PRELID2: variants seen among roughly 807,000 people sequenced by gnomAD.
PRELID2 encodes the protein PRELI domain containing 2.
PRELID2 carries 25 observed loss-of-function variants against 28.4 expected under a neutral mutation model. The ratio of observed to expected loss-of-function variants is 0.88; its 90% CI spans 0.64 to 1.23. PRELID2 has a LOEUF of 1.23. Ranked by LOEUF, PRELID2 falls within the 50% of genes most tolerant of loss-of-function variation. The pLI, the probability that PRELID2 is intolerant of heterozygous loss-of-function variation, is 0.00. For synonymous variants in PRELID2, 76 were observed against 71.6 expected, an observed-to-expected ratio of 1.06 and a Z score of -0.31; for missense variants, 201 against 214.4, an observed-to-expected ratio of 0.94 and a Z score of 0.39.
intron 1 of PRELID2, among the ~76,000 whole-genome samples, chr5:145,603,567 G>A (rs561476078): frequency 1.3e-5 from 2 of 152,054 alleles, no homozygotes; most frequent in Non-Finnish European, 2.9e-5. Context: ...TACCAAGGGT[G>A]ATCTCGGGCA....
At chr5:145,477,330 C>G (rs1396563618) in intron 1 of PRELID2, among the ~76,000 whole-genome samples, 1 of 152,168 alleles carries the variant, frequency 6.6e-6, no homozygotes, top group Non-Finnish European at 1.5e-5. Context: ...AAGGTCTCTC[C>G]TCATAGAGAC....
At chr5:145,409,660 T>C in the PRELID2 span, among the ~76,000 whole-genome samples, 2 of 148,584 alleles carry the variant, frequency 1.3e-5, no homozygotes, top group Admixed American at 6.7e-5. Context: ...ATGCCTGTAA[T>C]CCCAGCAGTT....
At chr5:145,417,798 T>C in the PRELID2 span, among the ~76,000 whole-genome samples, 7 of 152,182 alleles carry the variant, frequency 4.6e-5, no homozygotes, top group East Asian at 1.9e-4. Context: ...TCATAATGGA[T>C]GGGCAAAAGC....
chr5:145,664,184 C>T (rs1462003686), intron 1 of PRELID2, among the ~76,000 whole-genome samples: 1 of 152,116 alleles, frequency 6.6e-6, no homozygotes, highest in Non-Finnish European at 1.5e-5. Flanking sequence ...TTTTTATATA[C>T]ATTATTGTGT....
the PRELID2 span, among the ~76,000 whole-genome samples, chr5:145,464,159 T>G: frequency 6.6e-6 from 1 of 152,146 alleles, no homozygotes; most frequent in African/African-American, 2.4e-5. Flanking sequence ...CTAAAACACA[T>G]GCTGAATTAA....
At chr5:145,640,475 C>CAAA (rs56917249) in intron 1 of PRELID2, among the ~76,000 whole-genome samples, 3 of 54,640 alleles carry the variant, frequency 5.5e-5, no homozygotes, top group African/African-American at 1.4e-4. Flanking sequence ...GACTCCGTCT[C>CAAA]AAAAAAAAAA....
intron 5 of PRELID2, among the ~76,000 whole-genome samples, chr5:145,789,095 T>A (rs1752198358): frequency 6.6e-6 from 1 of 152,180 alleles, no homozygotes; most frequent in Non-Finnish European, 1.5e-5. Context: ...ACAGATTCAA[T>A]GCAATCTCTA....
intron 1 of PRELID2, among the ~76,000 whole-genome samples, chr5:145,589,748 GT>G (rs1489899255): frequency 6.6e-6 from 1 of 151,950 alleles, no homozygotes; most frequent in Non-Finnish European, 1.5e-5. Context: ...CTGATTTCAT[GT>G]TTAGAAAATT....
intron 1 of PRELID2, among the ~76,000 whole-genome samples, chr5:145,595,026 G>A (rs1268826627): frequency 6.6e-6 from 1 of 151,982 alleles, no homozygotes; most frequent in Non-Finnish European, 1.5e-5. Flanking sequence ...TACTCAGGTG[G>A]CTGAGGCAGG....
chr5:145,424,558 G>T, the PRELID2 span, among the ~76,000 whole-genome samples: 22 of 152,288 alleles, frequency 1.4e-4, no homozygotes, highest in African/African-American at 4.8e-4. Context: ...GACCCCTTGC[G>T]CTTCCCAAGT....
At chr5:145,382,756 C>T in the PRELID2 span, among the ~76,000 whole-genome samples, 2 of 152,064 alleles carry the variant, frequency 1.3e-5, no homozygotes, top group African/African-American at 4.8e-5. Flanking sequence ...AACACATTCC[C>T]TTAGCATTTA....
chr5:145,756,391 T>C lies in PRELID2; in HGVS notation c.*4145A>G, dbSNP rs924111656. 2.6e-5 allele frequency among the ~76,000 whole-genome samples: 4 copies of C among 152,204 alleles called. No homozygotes were observed. The highest frequency in any genetic ancestry group is 5.9e-5 in the Non-Finnish European group (4 of 68,042). On this transcript the variant is annotated 3_prime_UTR_variant, in exon 7 of 7. Transcript: ENST00000683046. Reference sequence around the variant, plus strand: ...AGAATGACTGCAGGAAGGAATTTCATAGGTAAACAACTAATTTATAGCTCT... The same window carrying C: ...AGAATGACTGCAGGAAGGAATTTCACAGGTAAACAACTAATTTATAGCTCT...
At chr5:145,537,673 TTTTTG>T (rs1261377400) in intron 1 of PRELID2, among the ~76,000 whole-genome samples, 2 of 151,868 alleles carry the variant, frequency 1.3e-5, no homozygotes, top group African/African-American at 4.8e-5. Context: ...GGCTATTTGT[TTTTTG>T]TTTTGTTTTG....
the PRELID2 span, among the ~76,000 whole-genome samples, chr5:145,434,067 T>G: frequency 6.6e-6 from 1 of 152,084 alleles, no homozygotes; most frequent in African/African-American, 2.4e-5. Context: ...GTCTTGAGGT[T>G]TTTCCCATGA....
chr5:145,296,852 A>G, the PRELID2 span, among the ~76,000 whole-genome samples: 37 of 152,198 alleles, frequency 2.4e-4, no homozygotes, highest in African/African-American at 8.2e-4. Flanking sequence ...CTCCAGCACC[A>G]GTTGTTTCCT....
At chr5:145,615,548 G>A (rs1036012287) in intron 1 of PRELID2, among the ~76,000 whole-genome samples, 9 of 117,740 alleles carry the variant, frequency 7.6e-5, no homozygotes, top group East Asian at 2.5e-4. Context: ...GGATGGTCTC[G>A]ATCTCCTGAC....
the PRELID2 span, among the ~76,000 whole-genome samples, chr5:145,294,683 C>T: frequency 2.0e-5 from 3 of 152,088 alleles, no homozygotes; most frequent in Non-Finnish European, 4.4e-5. Flanking sequence ...ATATTTGTAA[C>T]TTGTATAAGA....
chr5:145,233,772 A>C, the PRELID2 span, among the ~76,000 whole-genome samples: 1 of 152,176 alleles, frequency 6.6e-6, no homozygotes, highest in Non-Finnish European at 1.5e-5. Context: ...AATCACTAAG[A>C]AAGCAATTCT....
chr5:145,331,114 T>C, the PRELID2 span, among the ~76,000 whole-genome samples: 4 of 152,250 alleles, frequency 2.6e-5, no homozygotes, highest in Non-Finnish European at 4.4e-5. Flanking sequence ...TGAGTTCTAA[T>C]TTGATTGCAC....
Sources: gnomAD v4.1 joint callset for allele counts (sites outside exome capture counted in the v4.1 genomes callset) on GRCh38, gnomAD v4.1.1 for gene constraint, MANE v1.5 for transcripts, NCBI Gene and HGNC (gene_info 2026-07-23, HGNC 2026-07-21) for gene names.